Variants in SMYD3 observed in about 807,000 individuals in gnomAD.
SMYD3 encodes SET and MYND domain containing 3.
A neutral mutation model predicts 57.7 loss-of-function variants in SMYD3; 36 were observed. The ratio of observed to expected loss-of-function variants is 0.62; its 90% CI spans 0.48 to 0.82. The LOEUF is 0.82. SMYD3 is among the 40% of genes least tolerant of loss of function. SMYD3 has a pLI of 0.00. For missense variants in SMYD3, 515 were observed against 538.8 expected (o/e 0.96, Z 0.44); for synonymous variants, 211 against 195.0 (o/e 1.08, Z -0.68).
chr1:246,182,317 A>T (rs1572169057), intron 5 of SMYD3, among the ~76,000 whole-genome samples: 1 of 151,850 alleles, frequency 6.6e-6, no homozygotes, highest in East Asian at 1.9e-4. Flanking sequence ...ACTCCACTTA[A>T]TCTTCCCATC....
At chr1:246,334,743 GAGA>G (rs1365588839) in intron 3 of SMYD3, among the ~76,000 whole-genome samples, 1 of 152,138 alleles carries the variant, frequency 6.6e-6, no homozygotes, top group Non-Finnish European at 1.5e-5. Flanking sequence ...TTAAAACAGA[GAGA>G]AGTAGAGCCT....
At chr1:246,279,082 T>C (rs1780818) in intron 5 of SMYD3, among the ~76,000 whole-genome samples, 5,138 of 152,192 alleles carry the variant, frequency 0.034, 129 homozygotes, top group East Asian at 0.069. Context: ...TCACAACAGT[T>C]CTAAGAGCAC....
intron 1 of SMYD3, among the ~76,000 whole-genome samples, chr1:246,420,263 C>A (rs1031611870): frequency 1.3e-5 from 2 of 151,822 alleles, no homozygotes; most frequent in African/African-American, 4.8e-5. Flanking sequence ...ATAAACCACT[C>A]GATGAGGAGT....
intron 1 of SMYD3, among the ~76,000 whole-genome samples, chr1:246,396,024 A>G (rs946071036): frequency 1.3e-5 from 2 of 152,238 alleles, no homozygotes; most frequent in African/African-American, 4.8e-5. Context: ...GAGGTAGTTT[A>G]CCAGGAAAAA....
chr1:246,038,079 C>T (rs997604220), intron 5 of SMYD3, among the ~76,000 whole-genome samples: 3 of 152,132 alleles, frequency 2.0e-5, no homozygotes, highest in Admixed American at 6.5e-5. Flanking sequence ...CAGATATGGG[C>T]CTTGGGCTGT....
At chr1:246,156,355 C>A (rs188622637) in intron 5 of SMYD3, among the ~76,000 whole-genome samples, 9 of 151,668 alleles carry the variant, frequency 5.9e-5, no homozygotes, top group Non-Finnish European at 8.8e-5. Context: ...TTTACCTGCA[C>A]ACAAAATTAA....
At chr1:246,169,389 A>AAAAC (rs958154882) in intron 5 of SMYD3, among the ~76,000 whole-genome samples, 1 of 149,602 alleles carries the variant, frequency 6.7e-6, no homozygotes, top group South Asian at 2.1e-4. Context: ...TTCAAAAAAA[A>AAAAC]AAAAAAAAAA....
chr1:245,996,984 G>A (rs1471018058), intron 5 of SMYD3, among the ~76,000 whole-genome samples: 7 of 152,240 alleles, frequency 4.6e-5, no homozygotes, highest in African/African-American at 1.2e-4. Context: ...GCACTGAGGC[G>A]ACGTCGCTGG....
intron 5 of SMYD3, among the ~76,000 whole-genome samples, chr1:246,007,532 G>A (rs183429597): frequency 1.1e-4 from 16 of 152,188 alleles, no homozygotes; most frequent in South Asian, 4.2e-4. Context: ...GAAGGAGGCC[G>A]GGCATGGTGG....
chr1:246,252,650 T>G (rs999845098), intron 5 of SMYD3, among the ~76,000 whole-genome samples: 1 of 152,244 alleles, frequency 6.6e-6, no homozygotes, highest in African/African-American at 2.4e-5. Context: ...ACAAACCACC[T>G]GGTTCTAAAG....
At chr1:245,863,222 C>A (rs1267110939) in intron 9 of SMYD3, among the ~76,000 whole-genome samples, 1 of 152,222 alleles carries the variant, frequency 6.6e-6, no homozygotes, top group Non-Finnish European at 1.5e-5. Flanking sequence ...AATCCTGCCC[C>A]TGACTCAGGC....
intron 5 of SMYD3, among the ~76,000 whole-genome samples, chr1:245,954,093 C>G (rs1272411911): frequency 1.3e-5 from 2 of 152,200 alleles, no homozygotes; most frequent in Non-Finnish European, 2.9e-5. Context: ...CATTAACTCA[C>G]TGATGTAATT....
At chr1:246,095,107 A>G (rs1013560819) in intron 5 of SMYD3, among the ~76,000 whole-genome samples, 27 of 152,076 alleles carry the variant, frequency 1.8e-4, no homozygotes, top group African/African-American at 6.3e-4. Flanking sequence ...CCCCGTGCAC[A>G]TATCATCGCA....
intron 10 of SMYD3, among the ~76,000 whole-genome samples, chr1:245,831,753 C>T (rs981906094): frequency 1.3e-5 from 2 of 152,186 alleles, no homozygotes; most frequent in African/African-American, 4.8e-5. Flanking sequence ...GACAAGGGAA[C>T]AGAAAACACG....
chr1:246,412,858 CAAAA>C (rs35012889), intron 1 of SMYD3, among the ~76,000 whole-genome samples: 3 of 120,390 alleles, frequency 2.5e-5, no homozygotes, highest in Non-Finnish European at 3.5e-5. Context: ...GACTCCGTCT[CAAAA>C]AAAAAAAAAA....
At chr1:245,836,520 C>CGA (rs1293710505) in intron 10 of SMYD3, among the ~76,000 whole-genome samples, 6 of 152,316 alleles carry the variant, frequency 3.9e-5, no homozygotes, top group Non-Finnish European at 7.3e-5. Context: ...ACAAATGCTC[C>CGA]GAGTCGGTTG....
chr1:246,027,673 G>A (rs1397117440), intron 5 of SMYD3, among the ~76,000 whole-genome samples: 2 of 152,294 alleles, frequency 1.3e-5, no homozygotes, highest in Non-Finnish European at 1.5e-5. Context: ...GATTGACAAC[G>A]CACCTAGTCA....
At chr1:246,359,751 A>G (rs1322077251) in intron 1 of SMYD3, among the ~76,000 whole-genome samples, 1 of 152,192 alleles carries the variant, frequency 6.6e-6, no homozygotes, top group Non-Finnish European at 1.5e-5. Context: ...CATTTGACAA[A>G]ATTCAGCATT....
At chr1:246,268,262 T>C (rs868535166) in intron 5 of SMYD3, among the ~76,000 whole-genome samples, 7 of 152,324 alleles carry the variant, frequency 4.6e-5, no homozygotes, top group Middle Eastern at 6.8e-3. Flanking sequence ...AAGATGTCCA[T>C]GAGAGTGACC....
Sources: gnomAD v4.1 joint callset for allele counts (sites outside exome capture counted in the v4.1 genomes callset) on GRCh38, gnomAD v4.1.1 for gene constraint, MANE v1.5 for transcripts, NCBI Gene and HGNC (gene_info 2026-07-23, HGNC 2026-07-21) for gene names.